ZMIZ2: variants seen among roughly 807,000 people sequenced by gnomAD.
ZMIZ2 encodes the protein zinc finger MIZ domain-containing protein 2.
Under a neutral mutation model 93.9 loss-of-function variants are expected in ZMIZ2, and 26 were observed. That is an observed-to-expected ratio of 0.28 (90% confidence interval 0.20 to 0.38). The LOEUF is 0.38. ZMIZ2 is among the 10% of genes least tolerant of loss of function. The pLI is 1.00. For missense variants in ZMIZ2, 1,023 were observed against 1,235.0 expected (o/e 0.83, Z 2.57); for synonymous variants, 485 against 516.4 (o/e 0.94, Z 0.82).
chr7:44,756,937 T>A lies in ZMIZ2; in HGVS notation c.166-10T>A. ...GCTGGTTCCCTTTGGTGATTCCTGC[T>A]TCCTCATAGGTTTTGGGGAACCCCA... On this transcript the variant is annotated splice_polypyrimidine_tract_variant and intron_variant, in intron 3 of 18. Coordinates refer to ENST00000309315, the MANE Select transcript of ZMIZ2 (RefSeq NM_031449.4). 1 of 1,609,272 alleles carries A rather than the reference T, an allele frequency of 6.2e-7. No individual in the cohort carries two copies. The highest frequency in any genetic ancestry group is 8.5e-7 in the Non-Finnish European group (1 of 1,178,658).
chr7:44,761,916 T>C lies in ZMIZ2; in HGVS notation c.1596+11T>C, dbSNP rs758478198. ...ACCGCCTGCTGCTGCGTGCGTGTCC[T>C]GCGCCGAGGGGGCGGTGCTGTGGCG... On this transcript the variant is annotated intron_variant, in intron 11 of 18. Transcript: ENST00000309315. This position sits in a 1 kb window ranked among gnomAD's most constrained non-coding sequence, Gnocchi z 5.8. The C allele has an allele frequency of 3.4e-6, 5 of 1,450,382 alleles. No individual in the cohort carries two copies. The highest frequency in any genetic ancestry group is 1.8e-5 in the Admixed American group (1 of 55,022). The allele number at this position is 1,450,382 out of a possible 1,614,324, so 89.8% of individuals were successfully genotyped here.
chr7:44,762,854 T>C, intron 11 of ZMIZ2, 27 bp from the exon 12 acceptor site: 1 of 1,530,160 alleles, frequency 6.5e-7, no homozygotes, highest in African/African-American at 1.5e-5. Context: ...CAAGTCCCCC[T>C]GATGACATCC....
At position 44,760,537 on chromosome 7, in the gene ZMIZ2, C is replaced by A; in HGVS notation, c.1184C>A (p.Ser395Tyr). Residue 395 changes from serine to tyrosine, a missense_variant, in exon 9 of 19, where the codon TCT becomes TAT. Around this residue, in one of 3 missense-constraint regions of ZMIZ2, gnomAD observed 656 missense variants for 777.1 expected, o/e 0.84. Coordinates refer to ENST00000309315, the MANE Select transcript of ZMIZ2 (RefSeq NM_031449.4). ...PYMSPNQEVKSPFLPDLKPNL... is the reference protein window; with the variant it reads ...PYMSPNQEVKYPFLPDLKPNL... Reference sequence around the variant, plus strand: ...ATGTCACCAAACCAAGAGGTCAAGTCTCCCTTCTTGCCTGATCTCAAGCCC... The same window carrying A: ...ATGTCACCAAACCAAGAGGTCAAGTATCCCTTCTTGCCTGATCTCAAGCCC... The A allele has an allele frequency of 6.2e-7, 1 of 1,614,176 alleles. No homozygotes were observed. Among genetic ancestry groups the A allele is most frequent in the Admixed American group, 1.7e-5 (1 of 60,024 alleles).
At chr7:44,757,717 AG>A in intron 5 of ZMIZ2, 130 bp from the exon 6 acceptor site, 2 of 1,091,700 alleles carry the variant, frequency 1.8e-6, no homozygotes, top group Admixed American at 1.1e-4. Context: ...TGAGGGTCTG[AG>A]GGGAGAGGTT....
chr7:44,755,226 A>C (rs996431809), intron 1 of ZMIZ2, among the ~76,000 whole-genome samples: 2 of 152,180 alleles, frequency 1.3e-5, no homozygotes, highest in Admixed American at 6.5e-5. Flanking sequence ...GTATCCACTC[A>C]GCCCCATCTT....
At chr7:44,756,842 T>TC (rs1790639930) in intron 3 of ZMIZ2, 105 bp from the exon 4 acceptor site, 2 of 1,338,114 alleles carry the variant, frequency 1.5e-6, no homozygotes, top group Non-Finnish European at 2.1e-6. Flanking sequence ...CCCCCACCTC[T>TC]CCCCCAACCC....
chr7:44,761,732 G>A lies in ZMIZ2; in HGVS notation c.1423G>A (p.Glu475Lys). 5.6e-6 allele frequency: 9 copies of A among 1,614,092 alleles called. No individual in the cohort carries two copies. Among genetic ancestry groups the A allele is most frequent in the Non-Finnish European group, 7.6e-6 (9 of 1,180,014 alleles). ...LELQFKCYHH[E>K]DRQMNTNWPA... The stretch of plus-strand genomic sequence containing the variant: ...GCTGCAATTCAAGTGCTACCACCAC[G>A]AGGACCGGCAGATGAACACCAACTG... Residue 475 changes from glutamate to lysine, a missense_variant, in exon 11 of 19, where the codon GAG becomes AAG. This residue lies in a region of ZMIZ2 where 656 missense variants were observed against 777.1 expected (regional missense o/e 0.84). Transcript: ENST00000309315. The surrounding 1 kb of genome is among the most constrained non-coding windows in gnomAD (Gnocchi z 5.8).
At chr7:44,759,099 A>C (rs1289533880) in intron 6 of ZMIZ2, among the ~76,000 whole-genome samples, 182 bp from the exon 7 acceptor site, 1 of 125,258 alleles carries the variant, frequency 8.0e-6, no homozygotes, top group Non-Finnish European at 1.9e-5. Context: ...AAAAAAAAAA[A>C]AAAAAAAACA....
chr7:44,757,956 C>T lies in ZMIZ2; in HGVS notation c.661C>T (p.Pro221Ser), dbSNP rs200821772. The T allele has an allele frequency of 2.7e-5, 43 of 1,612,282 alleles. No individual in the cohort carries two copies. The Admixed American group carries it at 3.2e-4, about 12-fold the overall frequency. Residue 221 changes from proline to serine, a missense_variant, in exon 6 of 19, where the codon CCC (proline) becomes TCC (serine). Physicochemically the swap from Pro to Ser is moderately conservative, Grantham distance 74 (BLOSUM62 -1). This residue lies in a region of ZMIZ2 where 656 missense variants were observed against 777.1 expected (regional missense o/e 0.84). Coordinates refer to ENST00000309315, the MANE Select transcript of ZMIZ2 (RefSeq NM_031449.4). ...NPTGIGGVMGPSGLSPLAMNP... is the reference protein window; with the variant it reads ...NPTGIGGVMGSSGLSPLAMNP... ...TACTGGCATAGGAGGGGTAATGGGC[C>T]CCTCTGGCCTCTCCCCCTTGGCTAT...
chr7:44,766,354 C>G lies in ZMIZ2; in HGVS notation c.2412+21C>G, dbSNP rs778636937. On this transcript the variant is annotated intron_variant, in intron 17 of 18. Transcript: ENST00000309315. This position sits in a 1 kb window ranked among gnomAD's most constrained non-coding sequence, Gnocchi z 4.4. Reference sequence around the variant, plus strand: ...GCCAGGTCAGTGCCAAGCCGAGAGGCCAAGGGGCCCTGTCTCCCCAGGGGA... The same window carrying G: ...GCCAGGTCAGTGCCAAGCCGAGAGGGCAAGGGGCCCTGTCTCCCCAGGGGA... The G allele has an allele frequency of 6.2e-7, 1 of 1,604,918 alleles. No homozygotes were observed. Among genetic ancestry groups the G allele is most frequent in the Admixed American group, 1.7e-5 (1 of 59,326 alleles).
intron 1 of ZMIZ2, among the ~76,000 whole-genome samples, chr7:44,752,118 C>T (rs550590628): frequency 2.6e-5 from 4 of 152,054 alleles, no homozygotes; most frequent in African/African-American, 9.7e-5. Context: ...AAAGAGGTTA[C>T]AGCCTGTTGC....
intron 1 of ZMIZ2, among the ~76,000 whole-genome samples, chr7:44,754,395 C>T (rs543207732): frequency 6.6e-6 from 1 of 152,300 alleles, no homozygotes; most frequent in South Asian, 2.1e-4. Flanking sequence ...AGTCTTGCCT[C>T]CCCTGAGGGT....
rs376700246 is a variant in ZMIZ2 at position 44,753,398 on chromosome 7, C to T, written c.-62-2790C>T. Among the ~76,000 whole-genome samples, 81 of 152,220 alleles carry T rather than the reference C, an allele frequency of 5.3e-4. No individual in the cohort carries two copies. In the South Asian group the frequency reaches 0.016, roughly 31 times the overall value. ...AAGCTGGGACCACAGGTGCATGCCA[C>T]CACGCCCAGCTAATTTTTAAATTTC... On this transcript the variant is annotated intron_variant, in intron 1 of 18. Transcript: ENST00000309315.
chr7:44,764,450 A>G lies in ZMIZ2; in HGVS notation c.1892A>G (p.Asn631Ser), dbSNP rs750569363. The G allele has an allele frequency of 5.0e-6, 8 of 1,614,028 alleles. No homozygotes were observed. The highest frequency in any genetic ancestry group is 1.3e-5 in the African/African-American group (1 of 74,918). Residue 631 changes from asparagine to serine, a missense_variant, in exon 14 of 19, where the codon AAC (asparagine) becomes AGC (serine). Asn to Ser is a conservative substitution (Grantham distance 46). Around this residue, in one of 3 missense-constraint regions of ZMIZ2, gnomAD observed 48 missense variants for 99.1 expected, o/e 0.48. Coordinates refer to ENST00000309315, the MANE Select transcript of ZMIZ2 (RefSeq NM_031449.4). ...GACCTGGAGTCGTACCTGCAGCTCA[A>G]CTGTGAGCGGGGGACTTGGAGGTGT... ...CFDLESYLQL[N>S]CERGTWRCPV... is the part of the protein sequence containing the mutation.
Position 44,765,978 on chromosome 7 carries a change from G to A in ZMIZ2, c.2243-186G>A, listed in dbSNP as rs1791669915. The A allele has an allele frequency of 7.1e-7, 1 of 1,407,116 alleles. No homozygotes were observed. The highest frequency in any genetic ancestry group is 9.2e-7 in the Non-Finnish European group (1 of 1,086,696). 87.2% of individuals were successfully genotyped at this position (1,407,116 alleles called of 1,614,324 possible). Reference sequence around the variant, plus strand: ...ACCTTCACTCCTAGGAATGTCCCAAGGCCAATTCCCTTGGCAGCAATGAGA... The same window carrying A: ...ACCTTCACTCCTAGGAATGTCCCAAAGCCAATTCCCTTGGCAGCAATGAGA... On this transcript the variant is annotated intron_variant, in intron 16 of 18. Coordinates refer to ENST00000309315, the MANE Select transcript of ZMIZ2 (RefSeq NM_031449.4). This position sits in a 1 kb window ranked among gnomAD's most constrained non-coding sequence, Gnocchi z 4.1.
In ZMIZ2 at chr7:44,763,088, C is replaced by T. The variant is rs1791372075; in HGVS notation, c.1702+102C>T. 28 of 1,442,604 alleles carry T rather than the reference C, an allele frequency of 1.9e-5. No homozygotes were observed. The highest frequency in any genetic ancestry group is 2.5e-5 in the Non-Finnish European group (26 of 1,049,976). The allele number at this position is 1,442,604 out of a possible 1,614,324, so 89.4% of individuals were successfully genotyped here. A position where few individuals can be genotyped will look rare whatever the true frequency, so the allele number is the denominator to read the frequency against. On this transcript the variant is annotated intron_variant, in intron 12 of 18. Coordinates refer to ENST00000309315, the MANE Select transcript of ZMIZ2 (RefSeq NM_031449.4). The surrounding 1 kb of genome is among the most constrained non-coding windows in gnomAD (Gnocchi z 5.6). ...GGGCACCTCCTCGTGTCACACCAGG[C>T]CTTCTCCTTGGACAGGTGGCTCTGC...
chr7:44,763,471 G>T lies in ZMIZ2; in HGVS notation c.1860+58G>T. 1 of 1,599,096 alleles carries T rather than the reference G, an allele frequency of 6.3e-7. No individual in the cohort carries two copies. Among genetic ancestry groups the T allele is most frequent in the Non-Finnish European group, 8.5e-7 (1 of 1,170,964 alleles). ...TGCTGCTGCTAAAATATCTTGAGTC[G>T]ATACATCAGTGTCATTCTCTGGACA... On this transcript the variant is annotated intron_variant, in intron 13 of 18. Coordinates refer to ENST00000309315, the MANE Select transcript of ZMIZ2 (RefSeq NM_031449.4). The surrounding 1 kb of genome is among the most constrained non-coding windows in gnomAD (Gnocchi z 5.6).
rs927159946 is a variant in ZMIZ2 at position 44,768,663 on chromosome 7, G to C, written c.*1040G>C. The C allele has an allele frequency of 3.3e-5, 5 of 152,124 alleles. No individual in the cohort carries two copies. Among genetic ancestry groups the C allele is most frequent in the Admixed American group, 2.0e-4 (3 of 15,268 alleles). 9.4% of individuals were successfully genotyped at this position (152,124 alleles called of 1,614,324 possible). On this transcript the variant is annotated 3_prime_UTR_variant, in exon 19 of 19. Coordinates refer to ENST00000309315, the MANE Select transcript of ZMIZ2 (RefSeq NM_031449.4). Reference sequence around the variant, plus strand: ...GGCTGTTGTGTCTCCTGTCTGTGCCGATCTCTATTAAAGGACTCCCTCTTG... The same window carrying C: ...GGCTGTTGTGTCTCCTGTCTGTGCCCATCTCTATTAAAGGACTCCCTCTTG...
At position 44,767,960 on chromosome 7, in the gene ZMIZ2, T is replaced by A. The variant is rs547946136; in HGVS notation, c.*337T>A. On this transcript the variant is annotated 3_prime_UTR_variant, in exon 19 of 19. Coordinates refer to ENST00000309315, the MANE Select transcript of ZMIZ2 (RefSeq NM_031449.4). ...GTCTCACAGCCTCACACCTTGTCCT[T>A]CCACCCCTGCCTGCCCCCACCCAGC... 5.3e-6 allele frequency: 2 copies of A among 379,720 alleles called. No individual in the cohort carries two copies. Among genetic ancestry groups the A allele is most frequent in the South Asian group, 4.9e-5 (2 of 40,844 alleles). 23.5% of individuals were successfully genotyped at this position (379,720 alleles called of 1,614,324 possible).
Sources: gnomAD v4.1 joint callset for allele counts (sites outside exome capture counted in the v4.1 genomes callset) on GRCh38, gnomAD v4.1.1 for gene constraint, gnomAD v4.1.1 regional missense constraint, Gnocchi (gnomAD v3.1) non-coding constraint, MANE v1.5 for transcripts, NCBI Gene and HGNC (gene_info 2026-07-23, HGNC 2026-07-21) for gene names.